KDM7A: variants seen among roughly 807,000 people sequenced by gnomAD.
KDM7A encodes lysine-specific demethylase 7A.
In KDM7A, 28 loss-of-function variants were observed where a neutral mutation model predicts 114.8. The ratio of observed to expected loss-of-function variants is 0.24; its 90% CI spans 0.18 to 0.33. KDM7A has a LOEUF of 0.33. Ranked by LOEUF, KDM7A falls within the 10% of genes least tolerant of loss-of-function variation. The pLI is 1.00. For missense variants in KDM7A, 942 were observed against 1,142.5 expected (o/e 0.82, Z 2.53); for synonymous variants, 423 against 397.8 (o/e 1.06, Z -0.75).
At chr7:140,173,827 C>T (rs1387884753) in intron 1 of KDM7A, among the ~76,000 whole-genome samples, 1 of 151,954 alleles carries the variant, frequency 6.6e-6, no homozygotes. Context: ...GAGTAAATAC[C>T]ACGGGAAAAA....
rs1413242425 is a variant in KDM7A, at chr7:140,126,597, G to A, written c.888+40C>T. 3 of 1,330,966 alleles carry A rather than the reference G, an allele frequency of 2.3e-6. No homozygotes were observed. In the African/African-American group the frequency reaches 4.5e-5, roughly 20 times the overall value. The allele number at this position is 1,330,966 out of a possible 1,614,324, so 82.4% of individuals were successfully genotyped here. The stretch of plus-strand genomic sequence containing the variant: ...TACCACTGAAAAACTAGGGCTATAT[G>A]TTTTTGTCAGTGAGAGAACAAAAAA... On this transcript the variant is annotated intron_variant, in intron 6 of 19. Coordinates refer to ENST00000397560, the MANE Select transcript of KDM7A (RefSeq NM_030647.2).
At position 140,142,977 on chromosome 7, in the gene KDM7A, C is replaced by T. The variant is rs183871487; in HGVS notation, c.195-3787G>A. ...CGGGCGGATCACGAGGTCAGGAGAT[C>T]GAGACCACCCTGGCTAACACGGTGA... On this transcript the variant is annotated intron_variant, in intron 1 of 19. Transcript: ENST00000397560. 6.8e-3 allele frequency among the ~76,000 whole-genome samples: 1,037 copies of T among 151,778 alleles called. 5 individuals are homozygous for T. Among genetic ancestry groups the T allele is most frequent in the Non-Finnish European group, 0.011 (775 of 67,946 alleles).
intron 2 of KDM7A, among the ~76,000 whole-genome samples, chr7:140,135,395 G>C (rs905412229): frequency 2.6e-5 from 4 of 151,982 alleles, no homozygotes; most frequent in Non-Finnish European, 5.9e-5. Context: ...TAGAGATGGG[G>C]TTTCACCATG....
intron 1 of KDM7A, among the ~76,000 whole-genome samples, chr7:140,153,426 C>T (rs1794423177): frequency 6.6e-6 from 1 of 150,984 alleles, no homozygotes; most frequent in Non-Finnish European, 1.5e-5. Context: ...ACGGAGCTTG[C>T]AGTGAGCCGA....
intron 7 of KDM7A, among the ~76,000 whole-genome samples, chr7:140,123,808 G>A (rs780572913): frequency 1.6e-4 from 25 of 152,154 alleles, no homozygotes; most frequent in African/African-American, 2.4e-4. Flanking sequence ...CCGGCCGGGC[G>A]TGGAGGCTCA....
At chr7:140,175,395 T>A (rs1000558645) in intron 1 of KDM7A, among the ~76,000 whole-genome samples, 1 of 152,134 alleles carries the variant, frequency 6.6e-6, no homozygotes, top group African/African-American at 2.4e-5. Context: ...TGTATTTAAA[T>A]GTCCTGCTGT....
At chr7:140,137,667 A>T (rs9648802) in intron 2 of KDM7A, among the ~76,000 whole-genome samples, 52,331 of 152,090 alleles carry the variant, frequency 0.34, 9,256 homozygotes, top group Middle Eastern at 0.43. Flanking sequence ...TTTATGCTGT[A>T]TACTTAACAA....
chr7:140,158,020 T>A (rs1483638278), intron 1 of KDM7A, among the ~76,000 whole-genome samples: 2 of 148,884 alleles, frequency 1.3e-5, no homozygotes, highest in Non-Finnish European at 3.0e-5. Context: ...TAATAATAAT[T>A]GAAATGTTGA....
chr7:140,101,984 G>A lies in KDM7A; in HGVS notation c.1605C>T (p.Val535=), dbSNP rs755638765. 4 of 1,613,466 alleles carry A rather than the reference G, an allele frequency of 2.5e-6. No individual in the cohort carries two copies. Among genetic ancestry groups the A allele is most frequent in the Admixed American group, 1.7e-5 (1 of 60,024 alleles). Reference sequence around the variant, plus strand: ...ATGGACACATCTCTAATCTTTTGAGGACCTCCCTTGTGTGGAGCTCTAGGA... The same window carrying A: ...ATGGACACATCTCTAATCTTTTGAGAACCTCCCTTGTGTGGAGCTCTAGGA... ...LDILELHTRE[V]LKRLEMCPWE... Residue 535 remains valine (V), a synonymous_variant, in exon 12 of 20, where the codon GTC becomes GTT. Coordinates refer to ENST00000397560, the MANE Select transcript of KDM7A (RefSeq NM_030647.2).
intron 9 of KDM7A, among the ~76,000 whole-genome samples, chr7:140,113,972 C>T (rs1475504180): frequency 6.6e-6 from 1 of 151,938 alleles, no homozygotes; most frequent in African/African-American, 2.4e-5. Context: ...TAAATATGCA[C>T]ACATACCATA....
At chr7:140,169,991 G>T (rs571301646) in intron 1 of KDM7A, among the ~76,000 whole-genome samples, 1 of 151,926 alleles carries the variant, frequency 6.6e-6, no homozygotes, top group South Asian at 2.1e-4. Flanking sequence ...TATAATAAAC[G>T]GTCATATCAA....
intron 9 of KDM7A, among the ~76,000 whole-genome samples, chr7:140,115,143 G>C (rs981968124): frequency 2.7e-5 from 4 of 148,338 alleles, no homozygotes; most frequent in African/African-American, 5.0e-5. Context: ...CCAGCCCCCG[G>C]CCAGCCAGCT....
chr7:140,131,927 A>G (rs540494538), intron 3 of KDM7A, among the ~76,000 whole-genome samples: 2 of 152,332 alleles, frequency 1.3e-5, no homozygotes, highest in African/African-American at 2.4e-5. Context: ...AGGCAAATCT[A>G]TGCATACATA....
chr7:140,113,456 T>A, intron 10 of KDM7A, 35 bp downstream of exon 10: 1 of 908,142 alleles, frequency 1.1e-6, no homozygotes, highest in Non-Finnish European at 1.5e-6. Context: ...TCTTGTGGCA[T>A]AAAACACAGT....
At chr7:140,100,660 T>TTATATATATATATATACATATATA (rs1818185180) in intron 12 of KDM7A, among the ~76,000 whole-genome samples, 4 of 111,284 alleles carry the variant, frequency 3.6e-5, no homozygotes, top group Non-Finnish European at 7.2e-5. Flanking sequence ...TTTTAAAAAG[T>TTATATATATATATATACATATATA]TATATATATA....
intron 2 of KDM7A, among the ~76,000 whole-genome samples, chr7:140,137,620 C>T (rs147682435): frequency 1.2e-3 from 176 of 152,282 alleles, no homozygotes; most frequent in African/African-American, 4.1e-3. Context: ...TAGTCAATTA[C>T]ACATGTAACA....
intron 12 of KDM7A, among the ~76,000 whole-genome samples, chr7:140,101,742 C>T (rs1210465340): frequency 3.3e-5 from 5 of 152,122 alleles, no homozygotes; most frequent in South Asian, 2.1e-4. Context: ...TATCAGCAAT[C>T]GAATGAGGTC....
At chr7:140,147,602 A>G (rs1001471517) in intron 1 of KDM7A, among the ~76,000 whole-genome samples, 1 of 152,170 alleles carries the variant, frequency 6.6e-6, no homozygotes, top group Non-Finnish European at 1.5e-5. Context: ...CAGAGGACTG[A>G]GTCATTGTGT....
chr7:140,172,529 T>C (rs1794657286), intron 1 of KDM7A, among the ~76,000 whole-genome samples: 1 of 152,046 alleles, frequency 6.6e-6, no homozygotes, highest in Non-Finnish European at 1.5e-5. Context: ...GGCGGGTGCC[T>C]GTAGTCCCAG....
Sources: gnomAD v4.1 joint callset for allele counts (sites outside exome capture counted in the v4.1 genomes callset) on GRCh38, gnomAD v4.1.1 for gene constraint, MANE v1.5 for transcripts, NCBI Gene and HGNC (gene_info 2026-07-23, HGNC 2026-07-21) for gene names.